Variants in AGBL1 observed in about 807,000 individuals in gnomAD.
AGBL1 encodes the protein cytosolic carboxypeptidase 4.
A neutral mutation model predicts 118.9 loss-of-function variants in AGBL1; 130 were observed. The ratio of observed to expected loss-of-function variants is 1.09; its 90% CI spans 0.95 to 1.26. The LOEUF (loss-of-function observed/expected upper bound fraction) is 1.26. Ranked by LOEUF, AGBL1 falls within the 50% of genes most tolerant of loss-of-function variation. AGBL1 has a pLI of 0.00. For missense variants in AGBL1, 1,584 were observed against 1,298.1 expected, an observed-to-expected ratio of 1.22 and a Z score of -3.38; for synonymous variants, 555 against 478.9, an observed-to-expected ratio of 1.16 and a Z score of -2.08.
At chr15:86,352,584 C>A (rs755022666) in intron 17 of AGBL1, among the ~76,000 whole-genome samples, 20 of 151,952 alleles carry the variant, frequency 1.3e-4, no homozygotes, top group Admixed American at 2.6e-4. Context: ...CGGGTTAAAG[C>A]AATTCTCCTG....
chr15:86,629,587 A>G (rs557026198), intron 21 of AGBL1, among the ~76,000 whole-genome samples: 3 of 152,358 alleles, frequency 2.0e-5, no homozygotes, highest in African/African-American at 7.2e-5. Flanking sequence ...TCCAATAAAA[A>G]TGGAGATGAG....
chr15:86,989,591 G>T (rs1389921620), intron 24 of AGBL1, among the ~76,000 whole-genome samples: 1 of 152,094 alleles, frequency 6.6e-6, no homozygotes, highest in Admixed American at 6.6e-5. Flanking sequence ...ACTTAGTGCT[G>T]GGTGTTCTGT....
chr15:86,381,926 A>G (rs2081117917), intron 17 of AGBL1, among the ~76,000 whole-genome samples: 1 of 152,208 alleles, frequency 6.6e-6, no homozygotes, highest in Non-Finnish European at 1.5e-5. Flanking sequence ...TCTTGAGGCC[A>G]ATGGGGAGCC....
intron 23 of AGBL1, among the ~76,000 whole-genome samples, chr15:86,968,645 T>C (rs1264287547): frequency 6.6e-6 from 1 of 151,936 alleles, no homozygotes; most frequent in Non-Finnish European, 1.5e-5. Context: ...CTCAATCAAC[T>C]CTTCAGCCAC....
At chr15:86,164,993 C>G (rs2077317701) in intron 5 of AGBL1, among the ~76,000 whole-genome samples, 1 of 152,176 alleles carries the variant, frequency 6.6e-6, no homozygotes, top group Non-Finnish European at 1.5e-5. Flanking sequence ...TCTTAATGCC[C>G]TCTCAGGTTT....
chr15:86,767,553 T>C (rs1253253907), intron 22 of AGBL1, among the ~76,000 whole-genome samples: 1 of 151,954 alleles, frequency 6.6e-6, no homozygotes, highest in Non-Finnish European at 1.5e-5. Context: ...AGAATTCTAT[T>C]CCTTGAACTG....
intron 3 of AGBL1, among the ~76,000 whole-genome samples, chr15:86,151,838 C>CA (rs1439383242): frequency 6.6e-6 from 1 of 152,162 alleles, no homozygotes; most frequent in Admixed American, 6.5e-5. Context: ...TCTCAGGATA[C>CA]AAAATCAATG....
chr15:86,468,839 A>G (rs994799529), intron 18 of AGBL1, among the ~76,000 whole-genome samples: 1 of 152,206 alleles, frequency 6.6e-6, no homozygotes, highest in African/African-American at 2.4e-5. Flanking sequence ...GGAACTATTC[A>G]TCTTGAAGCT....
chr15:86,319,652 CAT>C (rs768190173), intron 17 of AGBL1, among the ~76,000 whole-genome samples: 7 of 149,972 alleles, frequency 4.7e-5, no homozygotes, highest in Non-Finnish European at 1.0e-4. Context: ...TCTCTGCACT[CAT>C]ATGTTACTAG....
In AGBL1 at chr15:86,366,817, G is replaced by A. The variant is rs79282287; in HGVS notation, c.2375-30549G>A. 9.5e-3 allele frequency among the ~76,000 whole-genome samples: 1,451 copies of A among 152,226 alleles called. 22 individuals are homozygous for A. The highest frequency in any genetic ancestry group is 0.032 in the African/African-American group (1,325 of 41,516). On this transcript the variant is annotated intron_variant, in intron 17 of 22. Coordinates refer to ENST00000614907, the MANE Select transcript of AGBL1 (RefSeq NM_001386094.1). ...ACTATATGATCTTGGGGGGAAAAAGGTTCCTTTACTGTCTTTCTTGTCCAT... is the reference window on the plus strand; with the variant it reads ...ACTATATGATCTTGGGGGGAAAAAGATTCCTTTACTGTCTTTCTTGTCCAT...
intron 2 of AGBL1, 35 bp downstream of exon 2, chr15:86,142,102 G>T: frequency 6.5e-7 from 1 of 1,545,472 alleles, no homozygotes; most frequent in Non-Finnish European, 8.7e-7. Flanking sequence ...TTCATATGGC[G>T]GATGTGGAGC....
In AGBL1 at chr15:86,867,584, T is replaced by C. The variant is rs141582429; in HGVS notation, c.3159-39503T>C. Among the ~76,000 whole-genome samples, 255 of 152,208 alleles carry C rather than the reference T, an allele frequency of 1.7e-3. 1 individual carries two copies. The highest frequency in any genetic ancestry group is 2.5e-3 in the Non-Finnish European group (172 of 68,010). ...AAGACTCATTGTGTTATACTTGAAATAGAAACATGTCATGTGAGTGAACCT... is the reference window on the plus strand; with the variant it reads ...AAGACTCATTGTGTTATACTTGAAACAGAAACATGTCATGTGAGTGAACCT... On this transcript the variant is annotated intron_variant, in intron 22 of 22. Coordinates refer to ENST00000614907, the MANE Select transcript of AGBL1 (RefSeq NM_001386094.1).
intron 18 of AGBL1, among the ~76,000 whole-genome samples, chr15:86,410,922 A>AAT (rs1450647914): frequency 8.1e-6 from 1 of 123,328 alleles, no homozygotes; most frequent in Non-Finnish European, 1.6e-5. Flanking sequence ...TATGTTATAT[A>AAT]ATATATATAA....
At chr15:86,262,507 TG>T (rs1205655323) in intron 9 of AGBL1, 13 of 448,746 alleles carry the variant, frequency 2.9e-5, no homozygotes, top group Non-Finnish European at 4.1e-6. Flanking sequence ...TTATCAATTA[TG>T]TAGTTTATCT....
intron 17 of AGBL1, among the ~76,000 whole-genome samples, chr15:86,306,402 G>A (rs1034652147): frequency 6.6e-6 from 1 of 152,110 alleles, no homozygotes; most frequent in African/African-American, 2.4e-5. Context: ...AATTAAGTGA[G>A]AACATGCAAT....
At chr15:86,899,696 A>G (rs891586394) in intron 22 of AGBL1, among the ~76,000 whole-genome samples, 1 of 152,170 alleles carries the variant, frequency 6.6e-6, no homozygotes, top group Non-Finnish European at 1.5e-5. Flanking sequence ...AGTTGTGCAT[A>G]TCATGGAAAA....
chr15:86,290,471 C>G (rs1597688035), intron 16 of AGBL1, among the ~76,000 whole-genome samples: 1 of 151,244 alleles, frequency 6.6e-6, no homozygotes, highest in African/African-American at 2.4e-5. Context: ...CCACCTCAGC[C>G]TCCCACGTAG....
rs2080341282 is a variant in AGBL1, at chr15:86,910,905, T to C, written c.*3611T>C. ...ACTGAAGGCTATCTTGTGTCAAATC[T>C]CACCAGTCTTCCATCCAGAGTTAGA... On this transcript the variant is annotated 3_prime_UTR_variant, in exon 23 of 23. Coordinates refer to ENST00000614907, the MANE Select transcript of AGBL1 (RefSeq NM_001386094.1). The C allele has an allele frequency of 6.6e-6, 1 of 152,118 alleles. No homozygotes were observed. The highest frequency in any genetic ancestry group is 1.5e-5 in the Non-Finnish European group (1 of 68,030). The allele number at this position is 152,118 out of a possible 1,614,324, so 9.4% of individuals were successfully genotyped here.
At chr15:86,144,418 A>G (rs928267854) in intron 3 of AGBL1, among the ~76,000 whole-genome samples, 24 of 152,354 alleles carry the variant, frequency 1.6e-4, no homozygotes, top group Middle Eastern at 3.4e-3. Context: ...GACTCAACCT[A>G]AACGCCCATC....
Sources: gnomAD v4.1 joint callset for allele counts (sites outside exome capture counted in the v4.1 genomes callset) on GRCh38, gnomAD v4.1.1 for gene constraint, MANE v1.5 for transcripts, NCBI Gene and HGNC (gene_info 2026-07-23, HGNC 2026-07-21) for gene names.